MOBP: variants seen among roughly 807,000 people sequenced by gnomAD.
MOBP encodes myelin associated oligodendrocyte basic protein.
In MOBP, 5 loss-of-function variants were observed where a neutral mutation model predicts 15.0. The observed-to-expected ratio is 0.33, with a 90% CI of 0.17 to 0.70. The LOEUF is 0.70. MOBP is among the 30% of genes least tolerant of loss of function. The probability of loss-of-function intolerance (pLI) is 0.67; values close to 1 mark genes in which losing one functional copy is unlikely to be tolerated. For synonymous variants in MOBP, 88 were observed against 99.0 expected (o/e 0.89, Z 0.66); for missense variants, 188 against 257.8 (o/e 0.73, Z 1.85).
chr3:39,485,132 C>T (rs564373543), intron 2 of MOBP, among the ~76,000 whole-genome samples: 100 of 152,304 alleles, frequency 6.6e-4, no homozygotes, highest in African/African-American at 2.3e-3. Context: ...TTTCCATTAC[C>T]TGGCACTGGT....
chr3:39,528,167 A>G (rs1467041541), downstream of MOBP: 4 of 152,220 alleles, frequency 2.6e-5, no homozygotes, highest in Non-Finnish European at 4.4e-5. Flanking sequence ...GGTAAATTAG[A>G]AATGTCAATA....
chr3:39,524,120 A>T (rs1457443383), intron 3 of MOBP: 1 of 152,234 alleles, frequency 6.6e-6, no homozygotes, highest in Non-Finnish European at 1.5e-5. Flanking sequence ...AAGGAGCAGT[A>T]TCCATTTGTG....
chr3:39,491,037 T>C (rs2042788204), intron 2 of MOBP, among the ~76,000 whole-genome samples: 1 of 152,254 alleles, frequency 6.6e-6, no homozygotes, highest in South Asian at 2.1e-4. Context: ...GGGGAAATTC[T>C]GTGTCCTATG....
chr3:39,513,370 C>G (rs553047971), intron 4 of MOBP: 4 of 1,613,016 alleles, frequency 2.5e-6, no homozygotes, highest in Middle Eastern at 3.3e-4. Context: ...TTCTTTTTCT[C>G]TTTGTAAACC....
rs1377201178 is a variant in MOBP at position 39,468,792 on chromosome 3, G to GTATACATACATATATA, written c.-89+1053_-89+1054insATACATACATATATAT. 2.4e-4 allele frequency among the ~76,000 whole-genome samples: 11 copies of GTATACATACATATATA among 46,036 alleles called. 2 individuals are homozygous for GTATACATACATATATA. The African/African-American group carries it at 3.0e-3, about 13-fold the overall frequency. 30.2% of individuals were successfully genotyped at this position (46,036 alleles called of 152,430 possible). A position where few individuals can be genotyped will look rare whatever the true frequency, so the allele number is the denominator to read the frequency against. ...TGTATATATACATATATACATGTGT[G>GTATACATACATATATA]TGTATATATACATATGTGTGTGTAT... is the stretch of plus-strand genomic sequence containing the variant. On this transcript the variant is annotated intron_variant, in intron 1 of 3. Transcript: ENST00000684792.
At chr3:39,494,796 C>T (rs593617) in intron 2 of MOBP, among the ~76,000 whole-genome samples, 2 of 117,398 alleles carry the variant, frequency 1.7e-5, no homozygotes, top group Non-Finnish European at 3.5e-5. Flanking sequence ...CCCCCCGCCC[C>T]CCGAGTTACG....
At chr3:39,513,261 T>C (rs946751791) in intron 4 of MOBP, 6 of 726,812 alleles carry the variant, frequency 8.3e-6, no homozygotes, top group Non-Finnish European at 1.3e-5. Context: ...AGAAGGATTT[T>C]GCAGAATAAC....
intron 3 of MOBP, among the ~76,000 whole-genome samples, chr3:39,523,817 G>T (rs1252647863): frequency 2.0e-5 from 3 of 152,138 alleles, no homozygotes; most frequent in Non-Finnish European, 4.4e-5. Context: ...ACAAAAACTG[G>T]GCTGAGACAT....
At chr3:39,496,344 GC>G (rs894957941) in intron 2 of MOBP, among the ~76,000 whole-genome samples, 2 of 145,582 alleles carry the variant, frequency 1.4e-5, no homozygotes, top group African/African-American at 5.1e-5. Flanking sequence ...GACTACAGGT[GC>G]CCGCCACCAC....
chr3:39,500,015 G>T, intron 2 of MOBP: 1 of 455,956 alleles, frequency 2.2e-6, no homozygotes, highest in Non-Finnish European at 4.4e-6. Flanking sequence ...TGCAGAGCAT[G>T]CTGGCCTTGT....
At chr3:39,520,834 C>T (rs138715777), downstream of MOBP, among the ~76,000 whole-genome samples, 425 of 152,244 alleles carry the variant, frequency 2.8e-3, 19 homozygotes, top group East Asian at 0.078. Flanking sequence ...ACGTTAATTT[C>T]TTCTCCCTTC....
intron 2 of MOBP, among the ~76,000 whole-genome samples, chr3:39,498,673 G>A (rs2042922433): frequency 6.6e-6 from 1 of 152,200 alleles, no homozygotes; most frequent in Non-Finnish European, 1.5e-5. Context: ...GCATTTTCAG[G>A]TGGTTGTGTT....
intron 2 of MOBP, among the ~76,000 whole-genome samples, chr3:39,482,966 C>A (rs1253773025): frequency 6.6e-6 from 1 of 152,134 alleles, no homozygotes; most frequent in Non-Finnish European, 1.5e-5. Context: ...CAGCTCCTAC[C>A]CTCCAAAAAG....
intron 1 of MOBP, among the ~76,000 whole-genome samples, chr3:39,468,062 A>ATGC (rs752003359): frequency 4.3e-4 from 64 of 150,232 alleles, no homozygotes; most frequent in Non-Finnish European, 5.9e-4. Context: ...ATGGTAGTAC[A>ATGC]TGCTGCTGCT....
intron 2 of MOBP, among the ~76,000 whole-genome samples, chr3:39,494,010 T>C (rs1559420739): frequency 6.6e-6 from 1 of 152,212 alleles, no homozygotes; most frequent in Non-Finnish European, 1.5e-5. Flanking sequence ...CATCTTCCCA[T>C]AGACTTTTTG....
exon 5 of MOBP, chr3:39,513,666 G>A (rs2043152460): frequency 1.9e-6 from 1 of 538,370 alleles, no homozygotes; most frequent in Non-Finnish European, 3.3e-6. Flanking sequence ...AGCACCCGCA[G>A]GCTCTAGAGC....
At chr3:39,509,878 G>A (rs936230337) in intron 4 of MOBP, among the ~76,000 whole-genome samples, 1 of 152,044 alleles carries the variant, frequency 6.6e-6, no homozygotes, top group Non-Finnish European at 1.5e-5. Flanking sequence ...TACTTTTTGT[G>A]TTGTATTTAA....
chr3:39,482,164 TG>T (rs937911794), intron 2 of MOBP, among the ~76,000 whole-genome samples: 2 of 152,136 alleles, frequency 1.3e-5, no homozygotes, highest in Non-Finnish European at 2.9e-5. Context: ...CCCATCTAGT[TG>T]CTCAAACGAC....
chr3:39,526,074 TGTAA>T (rs2043320462), downstream of MOBP: 1 of 152,230 alleles, frequency 6.6e-6, no homozygotes, highest in African/African-American at 2.4e-5. Context: ...GACAGACCAC[TGTAA>T]GTGAGAACAA....
Sources: allele counts gnomAD v4.1 joint callset (sites outside exome capture counted in the v4.1 genomes callset), GRCh38; gene constraint gnomAD v4.1.1; transcripts MANE v1.5; gene names NCBI Gene and HGNC (gene_info 2026-07-23, HGNC 2026-07-21).